The following OFD1 variants were observed in gnomAD, a reference collection of about 807,000 sequenced individuals.
OFD1 encodes centriole and centriolar satellite protein OFD1.
OFD1 carries 12 observed loss-of-function variants against 81.4 expected under a neutral mutation model. That is an observed-to-expected ratio of 0.15 (90% CI 0.09 to 0.24). The LOEUF (loss-of-function observed/expected upper bound fraction) is 0.24. OFD1 is among the 10% of genes least tolerant of loss of function. The probability of loss-of-function intolerance (pLI) is 1.00; values close to 1 mark genes in which losing one functional copy is unlikely to be tolerated. For synonymous variants in OFD1, 256 were observed against 263.7 expected (o/e 0.97, Z 0.28); for missense variants, 685 against 733.9 (o/e 0.93, Z 0.77).
downstream of OFD1, chrX:13,771,349 G>A (rs1271956799): frequency 2.8e-5 from 3 of 106,894 alleles, no homozygotes; most frequent in African/African-American, 1.0e-4. Flanking sequence ...AGCTATTTTG[G>A]AACAACTGTT....
chrX:13,756,439 T>G (rs2047715858), intron 12 of OFD1, 139 bp from the exon 13 acceptor site: 2 of 468,743 alleles, frequency 4.3e-6, no homozygotes, highest in Non-Finnish European at 7.3e-6. Context: ...GTAGTTAGAG[T>G]CTTATTGTAG....
chrX:13,767,068 C>T (rs911296562), intron 19 of OFD1, 59 bp from the exon 20 acceptor site: 2 of 1,129,895 alleles, frequency 1.8e-6, no homozygotes, highest in Admixed American at 4.4e-5. Context: ...GCAGACTGGT[C>T]CTGCATTCAT....
chrX:13,723,079 G>C, the OFD1 span, among the ~76,000 whole-genome samples: 2 of 81,246 alleles, frequency 2.5e-5, no homozygotes, highest in Non-Finnish European at 4.6e-5. Context: ...CCTGGTGACA[G>C]AGCAAGACTC....
At chrX:13,722,420 C>T in the OFD1 span, among the ~76,000 whole-genome samples, 2 of 110,410 alleles carry the variant, frequency 1.8e-5, no homozygotes, top group African/African-American at 3.3e-5. Context: ...TACCCAGCTG[C>T]GCAAAAGATG....
chrX:13,772,409 G>A (rs1340346341), downstream of OFD1: 1 of 113,155 alleles, frequency 8.8e-6, no homozygotes, highest in Non-Finnish European at 1.9e-5. Flanking sequence ...TCAGCTGTCA[G>A]AAATGGAACT....
At chrX:13,722,442 T>C in the OFD1 span, among the ~76,000 whole-genome samples, 1 of 110,647 alleles carries the variant, frequency 9.0e-6, no homozygotes, top group Non-Finnish European at 1.9e-5. Flanking sequence ...GACAGAGCTT[T>C]CTTTATATAC....
chrX:13,771,729 CAAT>C (rs1257400025), downstream of OFD1: 1 of 112,216 alleles, frequency 8.9e-6, no homozygotes, highest in Non-Finnish European at 1.9e-5. Flanking sequence ...TTCTGGAACA[CAAT>C]AATGTAAAAG....
intron 6 of OFD1, among the ~76,000 whole-genome samples, chrX:13,745,609 C>G (rs2047262784): frequency 8.9e-6 from 1 of 111,880 alleles, no homozygotes; most frequent in African/African-American, 3.3e-5. Context: ...GAGATAAACA[C>G]TATCGATGTT....
At chrX:13,760,067 C>T in intron 15 of OFD1, 48 bp from the exon 16 acceptor site, 1 of 1,206,502 alleles carries the variant, frequency 8.3e-7, no homozygotes, top group Non-Finnish European at 1.1e-6. Flanking sequence ...ATATTTTCTT[C>T]TCTGCCTTGT....
At chrX:13,745,695 C>T (rs1602820971) in intron 6 of OFD1, among the ~76,000 whole-genome samples, 1 of 112,222 alleles carries the variant, frequency 8.9e-6, no homozygotes, top group East Asian at 2.8e-4. Context: ...TGAGATTGTA[C>T]TCTGGGTTCA....
intron 20 of OFD1, 118 bp from the exon 21 acceptor site, chrX:13,767,936 G>T: frequency 1.5e-6 from 1 of 681,140 alleles, no homozygotes; most frequent in Non-Finnish European, 2.2e-6. Flanking sequence ...TTAAAAATTA[G>T]TCCTCTGGCA....
In OFD1 at chrX:13,757,660, G is replaced by C. The variant is rs750027230; in HGVS notation, c.1412G>C (p.Arg471Pro). The change falls in exon 14 of 23, where the codon CGC becomes CCC. Residue 471 changes from arginine (R) to proline (P), a missense_variant and splice_region_variant. Around this residue, in one of 3 missense-constraint regions of OFD1, gnomAD observed 414 missense variants for 447.2 expected, o/e 0.93. Coordinates refer to ENST00000340096, the MANE Select transcript of OFD1 (RefSeq NM_003611.3). The stretch of plus-strand genomic sequence containing the variant: ...TTTTTTTTTTTTTTTACCTTCTTAG[G>C]CCTAGCTCAGCCGGCTCCTGAACTT... ...SRNENLRLLNRLAQPAPELAV... is the reference protein window; with the variant it reads ...SRNENLRLLNPLAQPAPELAV... 1.7e-6 allele frequency: 2 copies of C among 1,201,974 alleles called. No individual in the cohort carries two copies. The highest frequency in any genetic ancestry group is 2.2e-6 in the Non-Finnish European group (2 of 892,339).
chrX:13,739,044 C>T lies in OFD1; in HGVS notation c.412+12C>T. 1 of 1,199,247 alleles carries T rather than the reference C, an allele frequency of 8.3e-7. No individual in the cohort carries two copies. Among genetic ancestry groups the T allele is most frequent in the Non-Finnish European group, 1.1e-6 (1 of 885,270 alleles). On this transcript the variant is annotated intron_variant, in intron 5 of 22. Coordinates refer to ENST00000340096, the MANE Select transcript of OFD1 (RefSeq NM_003611.3). ...AGAAAATCAAAAAGGTAGGAGCCGT[C>T]ATCTTTGTAGAGAACAGCAACAGTT...
At chrX:13,747,676 G>A (rs2047347892) in intron 8 of OFD1, among the ~76,000 whole-genome samples, 1 of 111,732 alleles carries the variant, frequency 8.9e-6, no homozygotes, top group East Asian at 2.8e-4. Flanking sequence ...GTGGAAGAAT[G>A]AGGATGGTCC....
intron 17 of OFD1, among the ~76,000 whole-genome samples, chrX:13,762,091 TACA>T (rs747758007): frequency 3.6e-5 from 4 of 110,763 alleles, no homozygotes; most frequent in Non-Finnish European, 7.6e-5. Context: ...GCATTCAGAG[TACA>T]ACATTATTCT....
rs776103115 is a variant in OFD1, at chrX:13,736,564, G to A, written c.198G>A (p.Gly66=). The part of the protein sequence containing the change: ...ELQPRSISVE[G]SSLLIGASNS... ...AGCCTCGGTCCATTTCAGTAGAAGG[G>A]AGCTCCCTCTTAATAGGCGCCTCTA... is the stretch of plus-strand genomic sequence containing the variant. Residue 66 remains glycine (G), a synonymous_variant, in exon 3 of 23, where the codon GGG becomes GGA. Transcript: ENST00000340096. The A allele has an allele frequency of 2.6e-5, 32 of 1,207,773 alleles. 1 individual carries two copies. The highest frequency in any genetic ancestry group is 3.6e-5 in the Non-Finnish European group (32 of 893,270).
chrX:13,758,144 A>C (rs2047782236), intron 14 of OFD1, among the ~76,000 whole-genome samples, 193 bp from the exon 15 acceptor site: 1 of 110,689 alleles, frequency 9.0e-6, no homozygotes, highest in South Asian at 3.8e-4. Flanking sequence ...TATGACTGAA[A>C]AAGATGGTGA....
At chrX:13,726,978 T>C in the OFD1 span, among the ~76,000 whole-genome samples, 2 of 111,528 alleles carry the variant, frequency 1.8e-5, no homozygotes, top group Admixed American at 1.9e-4. Context: ...TAAAACAGAC[T>C]TTAAACCAAC....
intron 12 of OFD1, among the ~76,000 whole-genome samples, chrX:13,756,139 A>C (rs2047701476): frequency 9.1e-6 from 1 of 109,543 alleles, no homozygotes; most frequent in Non-Finnish European, 1.9e-5. Flanking sequence ...TTTTTAGTAG[A>C]GATGGGGTTT....
Sources: allele counts gnomAD v4.1 joint callset (sites outside exome capture counted in the v4.1 genomes callset), GRCh38; gene constraint gnomAD v4.1.1; regional missense constraint gnomAD v4.1.1; transcripts MANE v1.5; gene names NCBI Gene and HGNC (gene_info 2026-07-23, HGNC 2026-07-21).